The following ADCYAP1R1 variants were observed in gnomAD, a reference collection of about 807,000 sequenced individuals.
ADCYAP1R1 encodes pituitary adenylate cyclase-activating polypeptide type I receptor.
A neutral mutation model predicts 67.6 loss-of-function variants in ADCYAP1R1; 44 were observed. That is an observed-to-expected ratio of 0.65 (90% CI 0.51 to 0.84). The LOEUF is 0.84. Ranked by LOEUF, ADCYAP1R1 falls within the 40% of genes least tolerant of loss-of-function variation. ADCYAP1R1 has a pLI of 0.00. For synonymous variants in ADCYAP1R1, 222 were observed against 219.6 expected, an observed-to-expected ratio of 1.01 and a Z score of -0.10; for missense variants, 477 against 587.9, an observed-to-expected ratio of 0.81 and a Z score of 1.95.
Position 31,086,652 on chromosome 7 carries a change from C to A in ADCYAP1R1, c.823+115C>A. The A allele has an allele frequency of 7.9e-7, 1 of 1,263,374 alleles. No homozygotes were observed. Among genetic ancestry groups the A allele is most frequent in the East Asian group, 2.4e-5 (1 of 41,664 alleles). 78.3% of individuals were successfully genotyped at this position (1,263,374 alleles called of 1,614,324 possible). On this transcript the variant is annotated intron_variant, in intron 10 of 15. Coordinates refer to ENST00000304166, the MANE Select transcript of ADCYAP1R1 (RefSeq NM_001118.5). The surrounding 1 kb of genome is among the most constrained non-coding windows in gnomAD (Gnocchi z 5.0). ...GGTGAGGAGGGGCCACTGCCCTGCC[C>A]GAGTCTAATGGCCTAGGCTCTGTCT...
At chr7:31,101,317 C>T (rs1430779317) in intron 13 of ADCYAP1R1, among the ~76,000 whole-genome samples, 1 of 152,144 alleles carries the variant, frequency 6.6e-6, no homozygotes, top group African/African-American at 2.4e-5. Context: ...TGTAATTCCA[C>T]CACAGAAGCT....
At chr7:31,056,031 C>T (rs1320041622) in intron 1 of ADCYAP1R1, among the ~76,000 whole-genome samples, 1 of 152,202 alleles carries the variant, frequency 6.6e-6, no homozygotes, top group Admixed American at 6.5e-5. Flanking sequence ...CACCATTCAC[C>T]CTTTGTGTCC....
At chr7:31,052,729 C>CG (rs1320113267) in intron 1 of ADCYAP1R1, 51 bp downstream of exon 1, 2 of 103,574 alleles carry the variant, frequency 1.9e-5, no homozygotes, top group Admixed American at 1.6e-4. Flanking sequence ...CCGTCTTCTC[C>CG]CCCTCCAGAA....
In ADCYAP1R1 at chr7:31,086,251, C is replaced by G; in HGVS notation, c.670-133C>G. 2.0e-6 allele frequency: 2 copies of G among 977,126 alleles called. No individual in the cohort carries two copies. Among genetic ancestry groups the G allele is most frequent in the South Asian group, 3.6e-5 (2 of 56,014 alleles). 60.5% of individuals were successfully genotyped at this position (977,126 alleles called of 1,614,324 possible). On this transcript the variant is annotated intron_variant, in intron 9 of 15. Transcript: ENST00000304166. The surrounding 1 kb of genome is among the most constrained non-coding windows in gnomAD (Gnocchi z 5.0). ...ATGCTGCAATTTTCAACTCTTTGAT[C>G]CAGGAATATTGACTCTCTTAGATCC...
intron 1 of ADCYAP1R1, among the ~76,000 whole-genome samples, chr7:31,054,506 C>T (rs1794161508): frequency 6.6e-6 from 1 of 152,190 alleles, no homozygotes; most frequent in Admixed American, 6.5e-5. Flanking sequence ...TTGGGACACT[C>T]CCTCAATTTG....
At chr7:31,073,743 A>C (rs1198712299) in intron 3 of ADCYAP1R1, among the ~76,000 whole-genome samples, 1 of 152,160 alleles carries the variant, frequency 6.6e-6, no homozygotes, top group Non-Finnish European at 1.5e-5. Context: ...GGGGAGCCCC[A>C]GGGAGGCAGC....
chr7:31,069,070 T>TG (rs60073569), intron 3 of ADCYAP1R1, among the ~76,000 whole-genome samples: 9,784 of 152,114 alleles, frequency 0.064, 1,060 homozygotes, highest in African/African-American at 0.22. Flanking sequence ...GCATTTGGGT[T>TG]GGGGGGGTCC....
At chr7:31,067,603 C>T (rs765628454) in intron 3 of ADCYAP1R1, among the ~76,000 whole-genome samples, 5 of 152,116 alleles carry the variant, frequency 3.3e-5, no homozygotes, top group Non-Finnish European at 5.9e-5. Context: ...AGGACATAGT[C>T]CATTAAGAGG....
At chr7:31,065,012 C>A in intron 3 of ADCYAP1R1, 76 bp downstream of exon 3, 3 of 1,129,630 alleles carry the variant, frequency 2.7e-6, no homozygotes, top group Admixed American at 4.5e-5. Context: ...TCAGGCTCGG[C>A]CAGTGAGTGG....
At chr7:31,054,715 C>T (rs1794169429) in intron 1 of ADCYAP1R1, among the ~76,000 whole-genome samples, 1 of 152,174 alleles carries the variant, frequency 6.6e-6, no homozygotes, top group African/African-American at 2.4e-5. Context: ...GTGCTGTCTG[C>T]CACAGGGCAG....
Position 31,106,807 on chromosome 7 carries a change from C to A in ADCYAP1R1, c.*123C>A. 1 of 1,207,400 alleles carries A rather than the reference C, an allele frequency of 8.3e-7. No individual in the cohort carries two copies. The highest frequency in any genetic ancestry group is 1.1e-6 in the Non-Finnish European group (1 of 891,238). 74.8% of individuals were successfully genotyped at this position (1,207,400 alleles called of 1,614,324 possible). A position where few individuals can be genotyped will look rare whatever the true frequency, so the allele number is the denominator to read the frequency against. On this transcript the variant is annotated 3_prime_UTR_variant, in exon 16 of 16. Transcript: ENST00000304166. ...AGGCCCTGGGCTGGAAGCTTGGCTC[C>A]TGAGGGGGGAGAAGGAGGCAGGGCA...
chr7:31,068,733 A>G (rs375143346), intron 3 of ADCYAP1R1, among the ~76,000 whole-genome samples: 1 of 152,172 alleles, frequency 6.6e-6, no homozygotes, highest in African/African-American at 2.4e-5. Context: ...AGCAGTGTCC[A>G]TCTTGCTCAC....
Position 31,108,954 on chromosome 7 carries a change from G to T in ADCYAP1R1, c.*2270G>T. 1 of 152,216 alleles carries T rather than the reference G, an allele frequency of 6.6e-6. No individual in the cohort carries two copies. Among genetic ancestry groups the T allele is most frequent in the South Asian group, 2.1e-4 (1 of 4,834 alleles). 9.4% of individuals were successfully genotyped at this position (152,216 alleles called of 1,614,324 possible). A position where few individuals can be genotyped will look rare whatever the true frequency, so the allele number is the denominator to read the frequency against. ...AGATGCAGTCATATATACCTTGCTGGGGTGGGGTGCCACCTCCAGTGGCCA... is the reference window on the plus strand; with the variant it reads ...AGATGCAGTCATATATACCTTGCTGTGGTGGGGTGCCACCTCCAGTGGCCA... On this transcript the variant is annotated 3_prime_UTR_variant, in exon 16 of 16. Coordinates refer to ENST00000304166, the MANE Select transcript of ADCYAP1R1 (RefSeq NM_001118.5).
chr7:31,068,579 C>G (rs1040369348), intron 3 of ADCYAP1R1, among the ~76,000 whole-genome samples: 2 of 152,182 alleles, frequency 1.3e-5, no homozygotes, highest in African/African-American at 2.4e-5. Flanking sequence ...CCAGGTCCAC[C>G]CTTTTCTTAG....
chr7:31,069,346 G>T (rs2128620205), intron 3 of ADCYAP1R1, among the ~76,000 whole-genome samples: 1 of 152,288 alleles, frequency 6.6e-6, no homozygotes, highest in East Asian at 1.9e-4. Context: ...CTGCCCGGGT[G>T]GTCCCCAAGC....
chr7:31,093,762 G>A (rs940646492), intron 13 of ADCYAP1R1, among the ~76,000 whole-genome samples: 1 of 152,082 alleles, frequency 6.6e-6, no homozygotes, highest in Non-Finnish European at 1.5e-5. Flanking sequence ...TGGGTCCATG[G>A]TCCTGCCTTC....
chr7:31,067,260 G>A (rs1794775550), intron 3 of ADCYAP1R1, among the ~76,000 whole-genome samples: 1 of 152,182 alleles, frequency 6.6e-6, no homozygotes, highest in Non-Finnish European at 1.5e-5. Flanking sequence ...CCCCTCCCTT[G>A]AATCATAGGG....
intron 4 of ADCYAP1R1, among the ~76,000 whole-genome samples, chr7:31,078,846 G>A (rs1248237250): frequency 2.6e-5 from 4 of 152,188 alleles, no homozygotes; most frequent in African/African-American, 4.8e-5. Flanking sequence ...ACTTGTGGAC[G>A]TGGGCTTGGA....
At chr7:31,084,591 G>A (rs1795659909) in intron 7 of ADCYAP1R1, 146 bp from the exon 8 acceptor site, 2 of 717,092 alleles carry the variant, frequency 2.8e-6, no homozygotes, top group African/African-American at 1.7e-5. Flanking sequence ...GGGAGGTGGT[G>A]GAGATGATAT....
Sources: allele counts gnomAD v4.1 joint callset (sites outside exome capture counted in the v4.1 genomes callset), GRCh38; gene constraint gnomAD v4.1.1; non-coding constraint Gnocchi (gnomAD v3.1); transcripts MANE v1.5; gene names NCBI Gene and HGNC (gene_info 2026-07-23, HGNC 2026-07-21).